ANKRD36: variants seen among roughly 807,000 people sequenced by gnomAD.
The protein encoded by ANKRD36 is ankyrin repeat domain 36.
ANKRD36 carries 179 observed loss-of-function variants against 278.1 expected under a neutral mutation model. The observed-to-expected ratio is 0.64, with a 90% confidence interval of 0.57 to 0.73. The LOEUF (loss-of-function observed/expected upper bound fraction) is 0.73, where lower values mean the gene tolerates loss of function less well. Among genes scored for constraint, ANKRD36 ranks in the 30% least tolerant of loss-of-function variants. ANKRD36 has a pLI of 0.00. For missense variants in ANKRD36, 1,159 were observed against 1,956.7 expected, an observed-to-expected ratio of 0.59 and a Z score of 7.69; for synonymous variants, 320 against 641.1, an observed-to-expected ratio of 0.50 and a Z score of 7.57.
At chr2:97,141,528 A>T (rs2042914205) in intron 6 of ANKRD36, among the ~76,000 whole-genome samples, 1 of 134,102 alleles carries the variant, frequency 7.5e-6, no homozygotes, top group African/African-American at 2.8e-5. Flanking sequence ...TGCATAAAAG[A>T]TGATTTGATT....
chr2:97,170,037 A>G lies in ANKRD36; in HGVS notation c.1633+2270A>G, dbSNP rs1346592164. Among the ~76,000 whole-genome samples, 4 of 152,046 alleles carry G rather than the reference A, an allele frequency of 2.6e-5. No individual in the cohort carries two copies. The East Asian group carries it at 7.7e-4, about 29-fold the overall frequency. On this transcript the variant is annotated intron_variant, in intron 22 of 75. Coordinates refer to ENST00000420699, the MANE Select transcript of ANKRD36 (RefSeq NM_001354587.1). Reference sequence around the variant, plus strand: ...TGACTTCAAACTACACTACAAGGCTATAGTAATGAAAACAGCATGGTACAG... The same window carrying G: ...TGACTTCAAACTACACTACAAGGCTGTAGTAATGAAAACAGCATGGTACAG...
chr2:97,191,015 A>T lies in ANKRD36; in HGVS notation c.2274+9A>T. The T allele has an allele frequency of 6.2e-7, 1 of 1,604,854 alleles. No homozygotes were observed. The highest frequency in any genetic ancestry group is 8.5e-7 in the Non-Finnish European group (1 of 1,175,810). On this transcript the variant is annotated intron_variant, in intron 35 of 75. Transcript: ENST00000420699. ...AACAACCAGCCTTGAAGGTAATTAAACTCTCATTTATATTGTGAACTAGTA... is the reference window on the plus strand; with the variant it reads ...AACAACCAGCCTTGAAGGTAATTAATCTCTCATTTATATTGTGAACTAGTA...
intron 22 of ANKRD36, among the ~76,000 whole-genome samples, chr2:97,175,925 T>C (rs1186174909): frequency 1.3e-5 from 2 of 151,864 alleles, no homozygotes; most frequent in East Asian, 3.9e-4. Context: ...TTCCATGTAG[T>C]TGAGCGGTTT....
At chr2:97,184,693 G>C (rs1336054790) in intron 28 of ANKRD36, among the ~76,000 whole-genome samples, 1 of 151,616 alleles carries the variant, frequency 6.6e-6, no homozygotes, top group Non-Finnish European at 1.5e-5. Context: ...ATTACTGAAG[G>C]CTAAACTAGA....
chr2:97,192,041 A>T (rs2058629104), intron 36 of ANKRD36, among the ~76,000 whole-genome samples: 1 of 151,760 alleles, frequency 6.6e-6, no homozygotes. Context: ...TTGGATTCTA[A>T]TTAAGTCCTA....
At chr2:97,233,009 TAAAAAA>T (rs796667881) in intron 67 of ANKRD36, among the ~76,000 whole-genome samples, 5 of 144,600 alleles carry the variant, frequency 3.5e-5, no homozygotes, top group South Asian at 4.7e-4. Flanking sequence ...GCATGTGATT[TAAAAAA>T]AAAAAAAAAG....
chr2:97,151,915 A>C lies in ANKRD36; in HGVS notation c.1138A>C (p.Ile380Leu). The change falls in exon 13 of 76, where the codon ATT (isoleucine) becomes CTT (leucine). Residue 380 changes from isoleucine to leucine, a missense_variant. Transcript: ENST00000420699. ...SKLYIPKRKI[I>L]SPRSIKDVLP... ...ACTATACATCCCAAAGAGAAAGATT[A>C]TTTCTCCACGATCTATAAAAGATGG... 6.9e-7 allele frequency: 1 copy of C among 1,454,050 alleles called. No homozygotes were observed. The highest frequency in any genetic ancestry group is 9.3e-7 in the Non-Finnish European group (1 of 1,074,004). 90.1% of individuals were successfully genotyped at this position (1,454,050 alleles called of 1,614,324 possible).
At chr2:97,180,546 A>C (rs1364421442) in intron 24 of ANKRD36, among the ~76,000 whole-genome samples, 3 of 151,740 alleles carry the variant, frequency 2.0e-5, no homozygotes, top group Non-Finnish European at 4.4e-5. Context: ...TACTGGAAGC[A>C]GGAAACAGTG....
intron 67 of ANKRD36, among the ~76,000 whole-genome samples, chr2:97,232,355 T>C (rs1316103783): frequency 7.2e-6 from 1 of 138,358 alleles, no homozygotes; most frequent in African/African-American, 3.0e-5. Context: ...CAGGACTTAC[T>C]TGTGCACAAA....
chr2:97,159,885 C>G (rs2048422953), intron 17 of ANKRD36, among the ~76,000 whole-genome samples: 1 of 151,952 alleles, frequency 6.6e-6, no homozygotes, highest in African/African-American at 2.4e-5. Flanking sequence ...GGGTTCACGC[C>G]ATTCTCCTGC....
At chr2:97,127,705 A>C (rs2038984554) in intron 6 of ANKRD36, among the ~76,000 whole-genome samples, 1 of 151,910 alleles carries the variant, frequency 6.6e-6, no homozygotes, top group South Asian at 2.1e-4. Context: ...TGCTTGAACT[A>C]CTCTCAATCT....
intron 6 of ANKRD36, among the ~76,000 whole-genome samples, chr2:97,132,304 AATT>A (rs2040383202): frequency 6.6e-6 from 1 of 151,818 alleles, no homozygotes; most frequent in Admixed American, 6.6e-5. Context: ...CCTGATCCCC[AATT>A]ATTATAAAAG....
rs1474864909 is a variant in ANKRD36 at position 97,211,735 on chromosome 2, G to A, written c.3463G>A (p.Gly1155Arg). 1.9e-6 allele frequency: 3 copies of A among 1,581,016 alleles called. No homozygotes were observed. In the East Asian group the frequency reaches 7.1e-5, roughly 38 times the overall value. ...ATEKKDEQIS[G>R]TVSCQKQPAL... ...GGAAAAAAAGGATGAACAAATATCT[G>A]GGACAGGTAATTTTGCAAACACATT... The change falls in exon 58 of 76, where the codon GGG becomes AGG. Residue 1155 changes from glycine to arginine, a missense_variant. Gly to Arg is a moderately radical substitution (Grantham distance 125). Coordinates refer to ENST00000420699, the MANE Select transcript of ANKRD36 (RefSeq NM_001354587.1).
intron 4 of ANKRD36, among the ~76,000 whole-genome samples, chr2:97,123,624 TA>T (rs200619499): frequency 2.4e-3 from 99 of 41,332 alleles, no homozygotes; most frequent in Non-Finnish European, 8.9e-3. Flanking sequence ...TATATATATA[TA>T]TATATATATA....
At chr2:97,211,033 C>G (rs1339516887) in intron 56 of ANKRD36, among the ~76,000 whole-genome samples, 1 of 151,858 alleles carries the variant, frequency 6.6e-6, no homozygotes, top group Non-Finnish European at 1.5e-5. Context: ...CAATTTAGGA[C>G]ACTTCCACTG....
At chr2:97,243,272 C>T (rs1266840153) in intron 69 of ANKRD36, among the ~76,000 whole-genome samples, 3 of 146,466 alleles carry the variant, frequency 2.0e-5, no homozygotes, top group Non-Finnish European at 4.6e-5. Context: ...GAAAGGCAGG[C>T]CAACTCAAAG....
chr2:97,187,604 T>A (rs1238580492), intron 32 of ANKRD36, among the ~76,000 whole-genome samples: 1 of 151,782 alleles, frequency 6.6e-6, no homozygotes, highest in Non-Finnish European at 1.5e-5. Context: ...CGCAGTAAGA[T>A]TATACACTTC....
intron 6 of ANKRD36, among the ~76,000 whole-genome samples, chr2:97,137,569 A>G (rs1277459304): frequency 7.3e-6 from 1 of 136,536 alleles, no homozygotes; most frequent in South Asian, 2.2e-4. Flanking sequence ...TTACAGGAAC[A>G]AGCCACTGTA....
intron 67 of ANKRD36, among the ~76,000 whole-genome samples, chr2:97,225,476 A>C (rs1009345076): frequency 1.3e-5 from 2 of 152,036 alleles, no homozygotes; most frequent in African/African-American, 4.8e-5. Context: ...TTCAATATAG[A>C]AAATCTCTAA....
Sources: gnomAD v4.1 joint callset for allele counts (sites outside exome capture counted in the v4.1 genomes callset) on GRCh38, gnomAD v4.1.1 for gene constraint, MANE v1.5 for transcripts, NCBI Gene and HGNC (gene_info 2026-07-23, HGNC 2026-07-21) for gene names.